Variants in CAMK4 observed in about 807,000 individuals in gnomAD.
CAMK4 encodes calcium/calmodulin dependent protein kinase IV.
CAMK4 carries 22 observed loss-of-function variants against 44.9 expected under a neutral mutation model. The ratio of observed to expected loss-of-function variants is 0.49; its 90% CI spans 0.35 to 0.70. The LOEUF is 0.70. CAMK4 is among the 30% of genes least tolerant of loss of function. CAMK4 has a pLI of 0.01. For synonymous variants in CAMK4, 218 were observed against 215.4 expected (o/e 1.01, Z -0.11); for missense variants, 498 against 586.8 (o/e 0.85, Z 1.56).
chr5:111,425,673 T>A (rs1580736045), intron 5 of CAMK4, among the ~76,000 whole-genome samples: 1 of 152,368 alleles, frequency 6.6e-6, no homozygotes, highest in East Asian at 1.9e-4. Flanking sequence ...ATTAAAATAA[T>A]CATTTTGGCA....
chr5:111,368,020 G>A (rs438178), intron 2 of CAMK4, among the ~76,000 whole-genome samples: 132,662 of 152,102 alleles, frequency 0.87, 58,156 homozygotes, highest in East Asian at 1. Context: ...AGTAAAGCAC[G>A]GAATGTTGAT....
At chr5:111,241,354 G>A (rs1377197313) in intron 1 of CAMK4, among the ~76,000 whole-genome samples, 1 of 151,834 alleles carries the variant, frequency 6.6e-6, no homozygotes, top group Non-Finnish European at 1.5e-5. Flanking sequence ...CAGCCCCTAT[G>A]CCCCCAGTCT....
intron 1 of CAMK4, among the ~76,000 whole-genome samples, chr5:111,252,672 A>T (rs1749557685): frequency 6.6e-6 from 1 of 152,246 alleles, no homozygotes; most frequent in Non-Finnish European, 1.5e-5. Flanking sequence ...CAAGTTAATC[A>T]TAATGTAATG....
chr5:111,293,814 T>G (rs1747375897), intron 1 of CAMK4, among the ~76,000 whole-genome samples: 1 of 143,698 alleles, frequency 7.0e-6, no homozygotes, highest in African/African-American at 2.6e-5. Context: ...TGGCACGATC[T>G]CGGCTCACTG....
At chr5:111,407,311 A>T (rs1374408468) in intron 5 of CAMK4, among the ~76,000 whole-genome samples, 1 of 151,336 alleles carries the variant, frequency 6.6e-6, no homozygotes, top group Non-Finnish European at 1.5e-5. Flanking sequence ...AGATCGCGCC[A>T]CTGCACTCTA....
At chr5:111,425,507 T>A (rs1020535700) in intron 5 of CAMK4, among the ~76,000 whole-genome samples, 1 of 152,206 alleles carries the variant, frequency 6.6e-6, no homozygotes, top group African/African-American at 2.4e-5. Flanking sequence ...TTGAATTAAG[T>A]CTAGCCACAA....
At chr5:111,464,865 A>G (rs1345130626) in intron 7 of CAMK4, among the ~76,000 whole-genome samples, 1 of 152,214 alleles carries the variant, frequency 6.6e-6, no homozygotes, top group Non-Finnish European at 1.5e-5. Flanking sequence ...ACCACACACT[A>G]TGTATCTAAT....
At chr5:111,274,575 T>C (rs993141534) in intron 1 of CAMK4, among the ~76,000 whole-genome samples, 1 of 152,180 alleles carries the variant, frequency 6.6e-6, no homozygotes, top group Middle Eastern at 3.2e-3. Flanking sequence ...CATGCATACA[T>C]ATATATCTCC....
chr5:111,336,196 T>G (rs917101659), intron 1 of CAMK4, among the ~76,000 whole-genome samples: 1 of 151,250 alleles, frequency 6.6e-6, no homozygotes, highest in South Asian at 2.1e-4. Context: ...AAAGCTTTAT[T>G]TTTTTCAGTT....
chr5:111,446,826 A>T, intron 6 of CAMK4, 50 bp downstream of exon 6: 1 of 1,115,086 alleles, frequency 9.0e-7, no homozygotes, highest in South Asian at 1.2e-5. Flanking sequence ...GAGCAGAAAA[A>T]ATTTTACTGT....
intron 1 of CAMK4, among the ~76,000 whole-genome samples, chr5:111,242,347 T>C (rs1019964318): frequency 4.6e-5 from 7 of 152,310 alleles, no homozygotes; most frequent in Middle Eastern, 3.4e-3. Context: ...AAACAGTGTA[T>C]CATAAAGTTC....
Position 111,466,989 on chromosome 5 carries a change from G to A in CAMK4, c.626-6322G>A, listed in dbSNP as rs181870378. On this transcript the variant is annotated intron_variant, in intron 7 of 10. Coordinates refer to ENST00000282356, the MANE Select transcript of CAMK4 (RefSeq NM_001744.6). ...ACAACATGGTACTGGTATAAAAATA[G>A]GCACATAGCTCGATGGAACAGAATA... is the stretch of plus-strand genomic sequence containing the variant. 5.1e-3 allele frequency among the ~76,000 whole-genome samples: 769 copies of A among 152,180 alleles called. 8 individuals carry two copies. The highest frequency in any genetic ancestry group is 0.018 in the African/African-American group (733 of 41,532).
intron 1 of CAMK4, among the ~76,000 whole-genome samples, chr5:111,245,790 A>G (rs369957634): frequency 6.1e-4 from 93 of 152,386 alleles, no homozygotes; most frequent in African/African-American, 2.1e-3. Flanking sequence ...ATTTTCTGAT[A>G]TAAACAAAAC....
chr5:111,224,371 A>AG (rs1383581605), upstream of CAMK4: 3 of 1,350,560 alleles, frequency 2.2e-6, no homozygotes, highest in African/African-American at 4.7e-5. This position sits in a 1 kb window ranked among gnomAD's most constrained non-coding sequence, Gnocchi z 5.7. Context: ...TGCGCGCGTG[A>AG]AGGACGCCGC....
In CAMK4 at chr5:111,485,596, G is replaced by A. The variant is rs1029685719; in HGVS notation, c.*1130G>A. 6.6e-6 allele frequency: 1 copy of A among 152,070 alleles called. No individual in the cohort carries two copies. The highest frequency in any genetic ancestry group is 2.4e-5 in the African/African-American group (1 of 41,410). 9.4% of individuals were successfully genotyped at this position (152,070 alleles called of 1,614,324 possible). On this transcript the variant is annotated 3_prime_UTR_variant, in exon 11 of 11. Coordinates refer to ENST00000282356, the MANE Select transcript of CAMK4 (RefSeq NM_001744.6). ...AACTAAAGTTATTTATGAAAAGCTA[G>A]TATGTCTTTTTCTCGTATTTGGAAT... is the stretch of plus-strand genomic sequence containing the variant.
chr5:111,355,556 G>T (rs895229630), intron 2 of CAMK4, among the ~76,000 whole-genome samples: 2 of 148,406 alleles, frequency 1.3e-5, no homozygotes, highest in Middle Eastern at 3.3e-3. Context: ...CAATGTGCAG[G>T]TTAGTTACAT....
intron 1 of CAMK4, among the ~76,000 whole-genome samples, chr5:111,252,913 G>A (rs569256336): frequency 1.6e-4 from 24 of 152,300 alleles, no homozygotes; most frequent in African/African-American, 5.5e-4. Context: ...CAAATACTTA[G>A]CAATAGCAAG....
At position 111,228,236 on chromosome 5, in the gene CAMK4, A is replaced by G. The variant is rs141644206; in HGVS notation, c.161+3592A>G. 4.1e-3 allele frequency among the ~76,000 whole-genome samples: 621 copies of G among 152,316 alleles called. 2 individuals are homozygous for G. Among genetic ancestry groups the G allele is most frequent in the African/African-American group, 0.014 (601 of 41,570 alleles). On this transcript the variant is annotated intron_variant, in intron 1 of 10. Coordinates refer to ENST00000282356, the MANE Select transcript of CAMK4 (RefSeq NM_001744.6). ...GAAAGATAATTAGAACAAGAGAAGA[A>G]TGTGTTAAACTATTTTGGAACCTTT...
intron 1 of CAMK4, among the ~76,000 whole-genome samples, chr5:111,258,740 CGTGTGTGTGTGTGTGTGTGTGT>C (rs201959904): frequency 7.2e-6 from 1 of 139,236 alleles, no homozygotes; most frequent in Non-Finnish European, 1.6e-5. Flanking sequence ...GAGTTATCAG[CGTGTGTGTGTGTGTGTGTGTGT>C]GTGTGTGTGT....
Sources: gnomAD v4.1 joint callset for allele counts (sites outside exome capture counted in the v4.1 genomes callset) on GRCh38, gnomAD v4.1.1 for gene constraint, Gnocchi (gnomAD v3.1) non-coding constraint, MANE v1.5 for transcripts, NCBI Gene and HGNC (gene_info 2026-07-23, HGNC 2026-07-21) for gene names.